ZNF345: variants seen among roughly 807,000 people sequenced by gnomAD.
The protein encoded by ZNF345 is zinc finger protein 345.
For synonymous variants in ZNF345, 166 were observed against 187.9 expected, an observed-to-expected ratio of 0.88 and a Z score of 0.95; for missense variants, 527 against 589.9, an observed-to-expected ratio of 0.89 and a Z score of 1.10.
chr19:36,884,904 C>T (rs1279764771), intron 3 of ZNF345, among the ~76,000 whole-genome samples: 2 of 152,122 alleles, frequency 1.3e-5, no homozygotes, highest in African/African-American at 4.8e-5. Flanking sequence ...CTCATTCTTT[C>T]GTTGATGGGT....
At chr19:36,871,177 AGG>A (rs1294252657) in intron 2 of ZNF345, among the ~76,000 whole-genome samples, 5 of 152,226 alleles carry the variant, frequency 3.3e-5, no homozygotes, top group Non-Finnish European at 4.4e-5. Context: ...CATAGTAAAA[AGG>A]GAAAGGCAGT....
At chr19:36,889,289 T>G (rs1455772024) in intron 3 of ZNF345, 1 of 152,184 alleles carries the variant, frequency 6.6e-6, no homozygotes, top group Non-Finnish European at 1.5e-5. Context: ...GGCTTCAGTA[T>G]CAGGATGATA....
At chr19:36,857,557 C>T (rs1420090337) in intron 2 of ZNF345, among the ~76,000 whole-genome samples, 2 of 152,196 alleles carry the variant, frequency 1.3e-5, no homozygotes, top group African/African-American at 4.8e-5. Flanking sequence ...GATCCACCCG[C>T]CTCAGCCTCC....
intron 2 of ZNF345, among the ~76,000 whole-genome samples, chr19:36,859,609 G>A (rs2072501810): frequency 6.6e-6 from 1 of 151,452 alleles, no homozygotes; most frequent in Admixed American, 6.6e-5. Flanking sequence ...ATTTCTTGAT[G>A]TCCAGTTTTT....
In ZNF345 at chr19:36,877,091, G is replaced by T; in HGVS notation, c.261G>T (p.Glu87Asp). The T allele has an allele frequency of 6.2e-7, 1 of 1,614,134 alleles. No individual in the cohort carries two copies. The highest frequency in any genetic ancestry group is 8.5e-7 in the Non-Finnish European group (1 of 1,180,008). ...LVRHQRIHTG[E>D]KPYECKECGK... is the part of the protein sequence containing the mutation. ...GACATCAGCGAATTCATACTGGTGAGAAACCTTATGAATGCAAAGAATGTG... is the reference window on the plus strand; with the variant it reads ...GACATCAGCGAATTCATACTGGTGATAAACCTTATGAATGCAAAGAATGTG... Residue 87 changes from glutamate (E) to aspartate (D), a missense_variant, in exon 3 of 3, where the codon GAG becomes GAT. Glu to Asp is a conservative substitution (Grantham distance 45, BLOSUM62 2). Transcript: ENST00000420450.
chr19:36,876,500 A>G (rs1238218756), intron 2 of ZNF345, among the ~76,000 whole-genome samples: 2 of 152,222 alleles, frequency 1.3e-5, no homozygotes, highest in African/African-American at 4.8e-5. Context: ...CTTTTAAACT[A>G]AACTAAACTA....
Position 36,876,919 on chromosome 19 carries a change from C to A in ZNF345, c.89C>A (p.Ser30Tyr). 6.2e-7 allele frequency: 1 copy of A among 1,614,080 alleles called. No individual in the cohort carries two copies. Among genetic ancestry groups the A allele is most frequent in the Non-Finnish European group, 8.5e-7 (1 of 1,179,974 alleles). The stretch of plus-strand genomic sequence containing the variant: ...AACCAGTTTGAGAGAAAACAGGGAT[C>A]TCAGGAAGGACATTTCAGTGAAATG... ...CKNQFERKQG[S>Y]QEGHFSEMIF... The change falls in exon 3 of 3, where the codon TCT (serine) becomes TAT (tyrosine). Residue 30 changes from serine (S) to tyrosine (Y), a missense_variant. Ser to Tyr is a moderately radical substitution (Grantham distance 144). Transcript: ENST00000420450.
At chr19:36,851,369 G>C (rs2072261009) in intron 1 of ZNF345, 1 of 152,282 alleles carries the variant, frequency 6.6e-6, no homozygotes, top group Admixed American at 6.6e-5. Flanking sequence ...GAGGGTGCGT[G>C]TGAATTTGTT....
At position 36,877,857 on chromosome 19, in the gene ZNF345, G is replaced by A; in HGVS notation, c.1027G>A (p.Glu343Lys). 3 of 1,613,752 alleles carry A rather than the reference G, an allele frequency of 1.9e-6. No homozygotes were observed. Among genetic ancestry groups the A allele is most frequent in the Non-Finnish European group, 2.5e-6 (3 of 1,179,928 alleles). The part of the protein sequence containing the change: ...QRMHTGEKPY[E>K]CKECGKTFSS... Reference sequence around the variant, plus strand: ...AATGCATACTGGAGAGAAACCTTATGAATGTAAGGAATGTGGGAAGACCTT... The same window carrying A: ...AATGCATACTGGAGAGAAACCTTATAAATGTAAGGAATGTGGGAAGACCTT... The change falls in exon 3 of 3, where the codon GAA becomes AAA. Residue 343 changes from glutamate (E) to lysine (K), a missense_variant. Physicochemically the swap from Glu to Lys is moderately conservative, Grantham distance 56. Transcript: ENST00000420450.
At chr19:36,884,134 C>T (rs544261356), downstream of ZNF345, among the ~76,000 whole-genome samples, 1 of 152,104 alleles carries the variant, frequency 6.6e-6, no homozygotes, top group Non-Finnish European at 1.5e-5. Context: ...GGCACGATCT[C>T]GGCTCACTGC....
chr19:36,860,889 T>A (rs2072532153), intron 2 of ZNF345, among the ~76,000 whole-genome samples: 1 of 152,208 alleles, frequency 6.6e-6, no homozygotes, highest in Non-Finnish European at 1.5e-5. Flanking sequence ...CATCCACTGA[T>A]AATTATTCTT....
At chr19:36,862,600 G>A (rs952643031) in intron 2 of ZNF345, among the ~76,000 whole-genome samples, 10 of 146,956 alleles carry the variant, frequency 6.8e-5, no homozygotes, top group African/African-American at 2.3e-4. Context: ...GGAGGCAGAG[G>A]TTGCAGTGAG....
At chr19:36,866,462 T>G (rs953583563) in intron 2 of ZNF345, among the ~76,000 whole-genome samples, 4 of 152,240 alleles carry the variant, frequency 2.6e-5, no homozygotes, top group African/African-American at 9.6e-5. Flanking sequence ...TTGCCAACTT[T>G]GTATAACTCC....
At chr19:36,888,558 C>T (rs552129299) in intron 3 of ZNF345, 2 of 152,194 alleles carry the variant, frequency 1.3e-5, no homozygotes, top group East Asian at 3.9e-4. Flanking sequence ...CTTAATTTGC[C>T]TTTTATTGTT....
At chr19:36,891,734 C>G (rs1259690405) in intron 3 of ZNF345, 27 of 1,614,024 alleles carry the variant, frequency 1.7e-5, no homozygotes, top group Non-Finnish European at 1.9e-5. Flanking sequence ...TCTTCACATT[C>G]ATAGAGCTTC....
chr19:36,884,709 C>T, intron 3 of ZNF345, among the ~76,000 whole-genome samples: 1 of 152,198 alleles, frequency 6.6e-6, no homozygotes, highest in East Asian at 1.9e-4. Context: ...AAGCACTCAT[C>T]ATAAATCATG....
intron 3 of ZNF345, among the ~76,000 whole-genome samples, chr19:36,886,823 TA>T (rs879348545): frequency 1.6e-3 from 221 of 141,432 alleles, no homozygotes; most frequent in African/African-American, 1.5e-3. Flanking sequence ...CCGTCTCTAC[TA>T]AAAAAAAAAA....
At position 36,870,457 on chromosome 19, in the gene ZNF345, C is replaced by T. The variant is rs149933151; in HGVS notation, c.-46-6328C>T. ...TCTTTTTAAATTCACTGCCCTTCTG[C>T]GTTGAGTTCTTTGTTTCTTGGATTC... On this transcript the variant is annotated intron_variant, in intron 2 of 2. Coordinates refer to ENST00000420450, the MANE Select transcript of ZNF345 (RefSeq NM_001242472.2). Among the ~76,000 whole-genome samples the T allele has an allele frequency of 6.1e-4, 93 of 152,156 alleles. No individual in the cohort carries two copies. In the East Asian group the frequency reaches 0.014, roughly 22 times the overall value.
chr19:36,891,808 T>C (rs1381052653), intron 3 of ZNF345: 2 of 1,614,090 alleles, frequency 1.2e-6, no homozygotes, highest in African/African-American at 2.7e-5. Flanking sequence ...CTTCCCACAC[T>C]GCTTACATTC....
Sources: gnomAD v4.1 joint callset for allele counts (sites outside exome capture counted in the v4.1 genomes callset) on GRCh38, gnomAD v4.1.1 for gene constraint, MANE v1.5 for transcripts, NCBI Gene and HGNC (gene_info 2026-07-23, HGNC 2026-07-21) for gene names.